The following ME3 variants were observed in gnomAD, a reference collection of about 807,000 sequenced individuals.
The protein encoded by ME3 is NADP-dependent malic enzyme, mitochondrial.
Under a neutral mutation model 68.9 loss-of-function variants are expected in ME3, and 48 were observed. That is an observed-to-expected ratio of 0.70 (90% CI 0.55 to 0.89). The LOEUF is 0.89. ME3 is among the 40% of genes least tolerant of loss of function. The pLI is 0.00. For missense variants in ME3, 675 were observed against 797.4 expected (o/e 0.85, Z 1.85); for synonymous variants, 320 against 318.8 (o/e 1.00, Z -0.04).
At chr11:86,595,145 T>G (rs1959203222) in intron 2 of ME3, among the ~76,000 whole-genome samples, 1 of 145,240 alleles carries the variant, frequency 6.9e-6, no homozygotes, top group Non-Finnish European at 1.5e-5. Context: ...AAAAAGGGGA[T>G]AAGCATATGT....
chr11:86,472,916 T>A (rs554070418), intron 7 of ME3, among the ~76,000 whole-genome samples: 1 of 152,178 alleles, frequency 6.6e-6, no homozygotes, highest in Non-Finnish European at 1.5e-5. Flanking sequence ...ACTTACTTGA[T>A]AAGGCGGAGT....
intron 2 of ME3, among the ~76,000 whole-genome samples, chr11:86,599,424 A>C (rs1389531050): frequency 6.6e-6 from 1 of 152,244 alleles, no homozygotes; most frequent in Admixed American, 6.5e-5. Flanking sequence ...AGAAACGAAC[A>C]AAGCCTCCAA....
chr11:86,595,484 TAGTCTG>T (rs1959264811), intron 2 of ME3, among the ~76,000 whole-genome samples: 1 of 151,872 alleles, frequency 6.6e-6, no homozygotes, highest in East Asian at 1.9e-4. Flanking sequence ...TGATCCCAAT[TAGTCTG>T]CCTTTAGAGT....
chr11:86,657,454 ATTGG>A (rs1945972273), intron 2 of ME3, among the ~76,000 whole-genome samples: 1 of 97,966 alleles, frequency 1.0e-5, no homozygotes, highest in East Asian at 3.5e-4. Flanking sequence ...AACATCATAC[ATTGG>A]GGCCTGTAGG....
At chr11:86,571,569 C>T (rs1033241925) in intron 2 of ME3, among the ~76,000 whole-genome samples, 7 of 152,212 alleles carry the variant, frequency 4.6e-5, no homozygotes, top group African/African-American at 1.4e-4. Flanking sequence ...TTTGTATTTT[C>T]CTTTAATTTT....
chr11:86,623,824 C>T (rs561476542), intron 2 of ME3, among the ~76,000 whole-genome samples: 2 of 152,266 alleles, frequency 1.3e-5, no homozygotes, highest in East Asian at 3.9e-4. Context: ...TGTTGTGGAA[C>T]ATACTTTTCC....
intron 2 of ME3, among the ~76,000 whole-genome samples, chr11:86,636,157 T>C (rs1247630410): frequency 6.6e-6 from 1 of 152,048 alleles, no homozygotes; most frequent in Non-Finnish European, 1.5e-5. Context: ...TAGTGGTAAA[T>C]GTGTTGGGGG....
At chr11:86,661,119 G>A (rs17818845) in intron 2 of ME3, among the ~76,000 whole-genome samples, 10,908 of 152,288 alleles carry the variant, frequency 0.072, 471 homozygotes, top group East Asian at 0.14. Context: ...AGATGCCCAC[G>A]ACAGTCTCCT....
chr11:86,656,302 A>C (rs1945865596), intron 2 of ME3, among the ~76,000 whole-genome samples: 1 of 151,994 alleles, frequency 6.6e-6, no homozygotes, highest in East Asian at 1.9e-4. Context: ...ATGCACACAT[A>C]TGTTTATTGT....
intron 2 of ME3, among the ~76,000 whole-genome samples, chr11:86,618,669 T>C (rs1943143292): frequency 1.3e-5 from 2 of 151,738 alleles, no homozygotes; most frequent in South Asian, 4.2e-4. Flanking sequence ...AGATCCCTCA[T>C]GGTTTGGTGC....
intron 4 of ME3, among the ~76,000 whole-genome samples, chr11:86,531,890 TG>T: frequency 6.6e-6 from 1 of 151,822 alleles, no homozygotes; most frequent in African/African-American, 2.4e-5. Context: ...GACGAGTTAC[TG>T]GGTGCAGCAC....
chr11:86,521,798 T>A (rs543955720), intron 4 of ME3, among the ~76,000 whole-genome samples: 1 of 152,232 alleles, frequency 6.6e-6, no homozygotes, highest in Non-Finnish European at 1.5e-5. Flanking sequence ...CTATAGAAAG[T>A]CAAGCTCATT....
chr11:86,623,448 A>T (rs1304210887), intron 2 of ME3, among the ~76,000 whole-genome samples: 1 of 152,216 alleles, frequency 6.6e-6, no homozygotes, highest in Non-Finnish European at 1.5e-5. Flanking sequence ...TTGCCTGAGC[A>T]AATTCCTATA....
At chr11:86,468,068 C>G (rs1950584861) in intron 7 of ME3, among the ~76,000 whole-genome samples, 3 of 152,244 alleles carry the variant, frequency 2.0e-5, no homozygotes, top group South Asian at 2.1e-4. Flanking sequence ...TACTCCTACT[C>G]TAGGATTTCA....
At chr11:86,450,844 G>C (rs1318446542) in intron 8 of ME3, among the ~76,000 whole-genome samples, 1 of 152,212 alleles carries the variant, frequency 6.6e-6, no homozygotes, top group African/African-American at 2.4e-5. Flanking sequence ...CAAGTCATAA[G>C]GTTGGCTGTG....
intron 2 of ME3, among the ~76,000 whole-genome samples, chr11:86,588,658 A>T (rs547457824): frequency 6.6e-5 from 10 of 152,300 alleles, no homozygotes; most frequent in African/African-American, 2.4e-4. Context: ...GAGCCTTGGA[A>T]TGTGGCTACT....
At chr11:86,651,444 G>A (rs549548758) in intron 2 of ME3, among the ~76,000 whole-genome samples, 33 of 152,148 alleles carry the variant, frequency 2.2e-4, no homozygotes, top group Admixed American at 6.5e-4. Context: ...ATCAATATCC[G>A]CTGTTCTGCA....
intron 2 of ME3, among the ~76,000 whole-genome samples, chr11:86,574,940 G>A (rs769818804): frequency 5.1e-5 from 6 of 117,908 alleles, no homozygotes; most frequent in Non-Finnish European, 1.1e-4. Flanking sequence ...TTCCAAGGAT[G>A]TTCACTCCAT....
intron 2 of ME3, among the ~76,000 whole-genome samples, chr11:86,658,604 C>G (rs530195266): frequency 1.2e-4 from 19 of 152,128 alleles, no homozygotes; most frequent in Non-Finnish European, 2.8e-4. Flanking sequence ...TTGAATAGCT[C>G]AGTTAACAAG....
Sources: allele counts gnomAD v4.1 joint callset (sites outside exome capture counted in the v4.1 genomes callset), GRCh38; gene constraint gnomAD v4.1.1; transcripts MANE v1.5; gene names NCBI Gene and HGNC (gene_info 2026-07-23, HGNC 2026-07-21).